Variants in CDC42SE2 observed in about 807,000 individuals in gnomAD.
The protein encoded by CDC42SE2 is CDC42 small effector 2, also known as CDC42 small effector protein 2.
Under a neutral mutation model 11.5 loss-of-function variants are expected in CDC42SE2, and 3 were observed. The observed-to-expected ratio is 0.26, with a 90% CI of 0.12 to 0.67. The LOEUF (loss-of-function observed/expected upper bound fraction) is 0.67. CDC42SE2 is among the 30% of genes least tolerant of loss of function. CDC42SE2 has a pLI of 0.80. For missense variants in CDC42SE2, 82 were observed against 106.8 expected (o/e 0.77, Z 1.02); for synonymous variants, 33 against 34.8 (o/e 0.95, Z 0.18).
chr5:131,346,145 C>T (rs1021265891), intron 2 of CDC42SE2, among the ~76,000 whole-genome samples: 1 of 152,136 alleles, frequency 6.6e-6, no homozygotes, highest in African/African-American at 2.4e-5. Context: ...CGAATTCACA[C>T]ATAAAAATGT....
At chr5:131,330,640 C>T (rs564671383) in intron 2 of CDC42SE2, among the ~76,000 whole-genome samples, 48 of 152,088 alleles carry the variant, frequency 3.2e-4, no homozygotes, top group Non-Finnish European at 6.5e-4. Flanking sequence ...GAAAGGGGTA[C>T]TGTTCGTGTC....
At chr5:131,242,811 A>G (rs1236340205), upstream of CDC42SE2, among the ~76,000 whole-genome samples, 3 of 152,098 alleles carry the variant, frequency 2.0e-5, no homozygotes, top group Admixed American at 1.3e-4. Flanking sequence ...TCATTTTTCT[A>G]GGGTAAGTAA....
intron 1 of CDC42SE2, among the ~76,000 whole-genome samples, chr5:131,270,024 C>G (rs559995560): frequency 6.6e-6 from 1 of 151,122 alleles, no homozygotes; most frequent in South Asian, 2.1e-4. Flanking sequence ...TGGCACCACT[C>G]TACTCCAGCC....
chr5:131,257,392 C>T (rs1018310497), intron 2 of CDC42SE2, among the ~76,000 whole-genome samples: 5 of 151,928 alleles, frequency 3.3e-5, no homozygotes, highest in East Asian at 1.9e-4. Context: ...CCACCGTGCC[C>T]GGCCTCATGA....
chr5:131,285,507 G>A (rs942608445), intron 1 of CDC42SE2, among the ~76,000 whole-genome samples: 5 of 152,138 alleles, frequency 3.3e-5, no homozygotes, highest in Non-Finnish European at 7.4e-5. Flanking sequence ...ATTTATAATA[G>A]CAGTGTAGAA....
At chr5:131,320,054 GAA>G (rs763857152) in intron 2 of CDC42SE2, among the ~76,000 whole-genome samples, 289 of 62,770 alleles carry the variant, frequency 4.6e-3, no homozygotes, top group African/African-American at 0.015. Flanking sequence ...CCGTCTTAAA[GAA>G]AAAAAAAAAA....
chr5:131,242,635 T>G (rs1010323270), upstream of CDC42SE2, among the ~76,000 whole-genome samples: 8 of 152,328 alleles, frequency 5.3e-5, no homozygotes, highest in African/African-American at 1.9e-4. Flanking sequence ...AGCCACCACC[T>G]ATACGACAGG....
the CDC42SE2 span, among the ~76,000 whole-genome samples, chr5:131,240,159 T>C: frequency 2.2e-4 from 33 of 152,368 alleles, no homozygotes; most frequent in Non-Finnish European, 4.3e-4. Flanking sequence ...AGACTTTAAC[T>C]ATTTCTCCAT....
At position 131,283,185 on chromosome 5, in the gene CDC42SE2, C is replaced by T. The variant is rs112879809; in HGVS notation, c.-455+19019C>T. On this transcript the variant is annotated intron_variant, in intron 1 of 4. Transcript: ENST00000505065. ...CAGGTGATCTGCCCGCCTTGGCCTC[C>T]CAAAGTGCTGGGATTACAGGCATGA... Among the ~76,000 whole-genome samples, 1,373 of 152,240 alleles carry T rather than the reference C, an allele frequency of 9.0e-3. 23 individuals are homozygous for T. The highest frequency in any genetic ancestry group is 0.032 in the African/African-American group (1,313 of 41,540).
chr5:131,372,676 G>A (rs1750044472), intron 3 of CDC42SE2, among the ~76,000 whole-genome samples: 1 of 151,554 alleles, frequency 6.6e-6, no homozygotes, highest in Non-Finnish European at 1.5e-5. Context: ...TCACGCCACT[G>A]CACTCCTGCC....
chr5:131,299,431 T>TG (rs1332463273), intron 1 of CDC42SE2, among the ~76,000 whole-genome samples: 1 of 152,054 alleles, frequency 6.6e-6, no homozygotes, highest in Non-Finnish European at 1.5e-5. Flanking sequence ...CGTTTGGCTG[T>TG]GGGGGATGAG....
intron 1 of CDC42SE2, among the ~76,000 whole-genome samples, chr5:131,272,785 A>G (rs930106780): frequency 6.6e-6 from 1 of 152,150 alleles, no homozygotes; most frequent in Non-Finnish European, 1.5e-5. Flanking sequence ...TCTTGTTTGG[A>G]TCCACTACAA....
At chr5:131,388,379 G>A (rs541058774) in intron 4 of CDC42SE2, among the ~76,000 whole-genome samples, 8 of 152,262 alleles carry the variant, frequency 5.3e-5, no homozygotes, top group East Asian at 1.9e-4. Flanking sequence ...CCTATGCAAT[G>A]CAATAATAAA....
At position 131,276,326 on chromosome 5, in the gene CDC42SE2, A is replaced by G. The variant is rs537388479; in HGVS notation, c.-455+12160A>G. On this transcript the variant is annotated intron_variant, in intron 1 of 4. Transcript: ENST00000505065. The stretch of plus-strand genomic sequence containing the variant: ...AAAAATTAGCCAGGCCTGTACACCC[A>G]TAGTCCCTCCTACTCAGGAGGCTGA... Among the ~76,000 whole-genome samples, 335 of 150,798 alleles carry G rather than the reference A, an allele frequency of 2.2e-3. 2 individuals carry two copies. The highest frequency in any genetic ancestry group is 7.3e-3 in the African/African-American group (299 of 41,006).
At chr5:131,389,316 A>G (rs888800799) in intron 4 of CDC42SE2, among the ~76,000 whole-genome samples, 14 of 152,332 alleles carry the variant, frequency 9.2e-5, no homozygotes, top group African/African-American at 2.6e-4. Context: ...CACTGCATTA[A>G]CTGAGCAAGT....
intron 3 of CDC42SE2, among the ~76,000 whole-genome samples, chr5:131,366,742 G>C (rs1749867958): frequency 6.6e-6 from 1 of 152,086 alleles, no homozygotes. Context: ...TTATAAAACA[G>C]GCCAGGTGCA....
At chr5:131,226,148 G>A in the CDC42SE2 span, among the ~76,000 whole-genome samples, 2 of 152,222 alleles carry the variant, frequency 1.3e-5, no homozygotes, top group Non-Finnish European at 2.9e-5. Context: ...AATTGGTGGC[G>A]AAGCGAAGTA....
chr5:131,242,788 G>C (rs946620217), upstream of CDC42SE2, among the ~76,000 whole-genome samples: 1 of 152,128 alleles, frequency 6.6e-6, no homozygotes, highest in African/African-American at 2.4e-5. Context: ...ATTCTTTCTA[G>C]TTGCAGTAGT....
In CDC42SE2 at chr5:131,347,407, G is replaced by A. The variant is rs531965430; in HGVS notation, c.-285-11802G>A. ...TAAACTAGAAAATCTAGAAGAAATG[G>A]ATAAATTACTCGACACATACACTCT... On this transcript the variant is annotated intron_variant, in intron 2 of 4. Coordinates refer to ENST00000505065, the MANE Select transcript of CDC42SE2 (RefSeq NM_001375635.1). Among the ~76,000 whole-genome samples, 593 of 152,204 alleles carry A rather than the reference G, an allele frequency of 3.9e-3. 2 individuals are homozygous for A. The highest frequency in any genetic ancestry group is 5.9e-3 in the Non-Finnish European group (398 of 68,024).
Sources: gnomAD v4.1 joint callset for allele counts (sites outside exome capture counted in the v4.1 genomes callset) on GRCh38, gnomAD v4.1.1 for gene constraint, MANE v1.5 for transcripts, NCBI Gene and HGNC (gene_info 2026-07-23, HGNC 2026-07-21) for gene names.